The following COMMD1 variants were observed in gnomAD, a reference collection of about 807,000 sequenced individuals.
COMMD1 encodes the protein COMM domain-containing protein 1.
Under a neutral mutation model 17.2 loss-of-function variants are expected in COMMD1, and 10 were observed. The ratio of observed to expected loss-of-function variants is 0.58; its 90% CI spans 0.36 to 0.99. COMMD1 has a LOEUF of 0.99. Among genes scored for constraint, COMMD1 ranks in the 50% least tolerant of loss-of-function variants. COMMD1 has a pLI of 0.01. For synonymous variants in COMMD1, 97 were observed against 91.6 expected, an observed-to-expected ratio of 1.06 and a Z score of -0.34; for missense variants, 270 against 231.8, an observed-to-expected ratio of 1.17 and a Z score of -1.07.
At chr2:61,999,245 G>C (rs1668853824) in intron 1 of COMMD1, among the ~76,000 whole-genome samples, 1 of 152,194 alleles carries the variant, frequency 6.6e-6, no homozygotes, top group Non-Finnish European at 1.5e-5. Flanking sequence ...AAAGATTACT[G>C]TGCAAATTTA....
chr2:61,895,059 CT>C (rs1669525746), intron 1 of COMMD1, among the ~76,000 whole-genome samples: 1 of 152,110 alleles, frequency 6.6e-6, no homozygotes, highest in Non-Finnish European at 1.5e-5. Flanking sequence ...GTGAAAAACT[CT>C]TTAGGACAAA....
At chr2:62,080,639 C>G (rs1671488768) in intron 2 of COMMD1, among the ~76,000 whole-genome samples, 1 of 152,098 alleles carries the variant, frequency 6.6e-6, no homozygotes, top group Non-Finnish European at 1.5e-5. Flanking sequence ...CAAAAGACTG[C>G]TACTGATAAA....
chr2:62,040,644 A>G (rs960596062), intron 2 of COMMD1, among the ~76,000 whole-genome samples: 1 of 152,152 alleles, frequency 6.6e-6, no homozygotes, highest in Non-Finnish European at 1.5e-5. Flanking sequence ...ATTTTAGTAT[A>G]CACCTGTCAG....
Position 61,914,188 on chromosome 2 carries a change from A to G in COMMD1, c.180+8330A>G, listed in dbSNP as rs914717294. On this transcript the variant is annotated intron_variant, in intron 1 of 2. Coordinates refer to ENST00000311832, the MANE Select transcript of COMMD1 (RefSeq NM_152516.4). Reference sequence around the variant, plus strand: ...CTCCATCTCAAATAAATAAATAAATAAAATTGGAAACAATATAATATATAA... The same window carrying G: ...CTCCATCTCAAATAAATAAATAAATGAAATTGGAAACAATATAATATATAA... Among the ~76,000 whole-genome samples, 5 of 152,102 alleles carry G rather than the reference A, an allele frequency of 3.3e-5. No individual in the cohort carries two copies. In the South Asian group the frequency reaches 1.0e-3, roughly 32 times the overall value.
At chr2:61,905,954 C>G (rs1669762120) in intron 1 of COMMD1, 96 bp downstream of exon 1, 3 of 1,281,644 alleles carry the variant, frequency 2.3e-6, no homozygotes, top group Non-Finnish European at 3.4e-6. Context: ...CCTCACAAGC[C>G]GAAAGGCTTT....
intron 1 of COMMD1, among the ~76,000 whole-genome samples, chr2:61,969,520 C>A (rs1046035056): frequency 6.6e-6 from 1 of 152,196 alleles, no homozygotes; most frequent in African/African-American, 2.4e-5. Flanking sequence ...ATAGCACGTT[C>A]TTGGAAACTT....
At chr2:62,049,050 A>G (rs1489836180) in intron 2 of COMMD1, among the ~76,000 whole-genome samples, 2 of 152,214 alleles carry the variant, frequency 1.3e-5, no homozygotes, top group Non-Finnish European at 2.9e-5. Context: ...AGGGAAATAC[A>G]TTTAAGAAAT....
At chr2:62,113,305 T>C (rs568414329) in intron 2 of COMMD1, among the ~76,000 whole-genome samples, 2 of 152,176 alleles carry the variant, frequency 1.3e-5, no homozygotes, top group Non-Finnish European at 2.9e-5. Flanking sequence ...TGAGCTATGA[T>C]TGTGCCACTG....
chr2:62,051,943 C>T (rs949112093), intron 2 of COMMD1, among the ~76,000 whole-genome samples: 2 of 152,204 alleles, frequency 1.3e-5, no homozygotes, highest in Non-Finnish European at 2.9e-5. Flanking sequence ...GCTCTTCAGA[C>T]ATGCCACATT....
At chr2:62,046,839 G>C (rs1487542668) in intron 2 of COMMD1, among the ~76,000 whole-genome samples, 1 of 152,196 alleles carries the variant, frequency 6.6e-6, no homozygotes, top group Admixed American at 6.5e-5. Flanking sequence ...ACTAATACAT[G>C]ATTTACAAAG....
At chr2:61,906,188 A>G (rs1669768034) in intron 1 of COMMD1, among the ~76,000 whole-genome samples, 1 of 152,126 alleles carries the variant, frequency 6.6e-6, no homozygotes, top group Non-Finnish European at 1.5e-5. Context: ...TAAAATTAAG[A>G]GTTTTAGGTC....
intron 2 of COMMD1, among the ~76,000 whole-genome samples, chr2:62,045,452 C>T (rs1408153216): frequency 6.6e-6 from 1 of 152,054 alleles, no homozygotes; most frequent in African/African-American, 2.4e-5. Flanking sequence ...CTCCCATAAT[C>T]CTATTCTTGT....
chr2:62,116,734 C>G (rs1022766815), intron 2 of COMMD1, among the ~76,000 whole-genome samples: 21 of 147,508 alleles, frequency 1.4e-4, no homozygotes, highest in Non-Finnish European at 2.5e-4. Flanking sequence ...GCCTGTAAAT[C>G]CCAGCACTTT....
At chr2:62,014,029 G>C (rs1573070926) in intron 2 of COMMD1, among the ~76,000 whole-genome samples, 1 of 152,278 alleles carries the variant, frequency 6.6e-6, no homozygotes, top group South Asian at 2.1e-4. Flanking sequence ...TGTTTCTTAT[G>C]ATGTGCCCTT....
At chr2:62,023,633 G>A (rs1005146143) in intron 2 of COMMD1, among the ~76,000 whole-genome samples, 3 of 151,950 alleles carry the variant, frequency 2.0e-5, no homozygotes, top group East Asian at 3.9e-4. Flanking sequence ...ACAGGTGCAC[G>A]CCACCACGCT....
chr2:62,107,206 A>C (rs1397407307), intron 2 of COMMD1, among the ~76,000 whole-genome samples: 1 of 152,026 alleles, frequency 6.6e-6, no homozygotes, highest in East Asian at 1.9e-4. Flanking sequence ...TGCTTTTTCA[A>C]CTCTGTCTTC....
chr2:61,890,054 GACCACTATATTTCAGT>G (rs1669387860), intron 1 of COMMD1, among the ~76,000 whole-genome samples: 1 of 152,152 alleles, frequency 6.6e-6, no homozygotes, highest in Non-Finnish European at 1.5e-5. Context: ...GGTCTCCTAT[GACCACTATATTTCAGT>G]AGGGAAGTTT....
At chr2:61,938,039 G>A (rs968687653) in intron 1 of COMMD1, among the ~76,000 whole-genome samples, 1 of 152,148 alleles carries the variant, frequency 6.6e-6, no homozygotes, top group African/African-American at 2.4e-5. Flanking sequence ...AACAGATTGG[G>A]CCCAGTGGGA....
chr2:62,036,014 A>T (rs1670028743), intron 2 of COMMD1, among the ~76,000 whole-genome samples: 1 of 151,780 alleles, frequency 6.6e-6, no homozygotes, highest in Non-Finnish European at 1.5e-5. Flanking sequence ...AGATTACTCC[A>T]TTGTACTCCA....
Sources: allele counts gnomAD v4.1 joint callset (sites outside exome capture counted in the v4.1 genomes callset), GRCh38; gene constraint gnomAD v4.1.1; transcripts MANE v1.5; gene names NCBI Gene and HGNC (gene_info 2026-07-23, HGNC 2026-07-21).